The following KCNIP4 variants were observed in gnomAD, a reference collection of about 807,000 sequenced individuals.
KCNIP4 encodes potassium voltage-gated channel interacting protein 4.
In KCNIP4, 12 loss-of-function variants were observed where a neutral mutation model predicts 34.0. That is an observed-to-expected ratio of 0.35 (90% CI 0.23 to 0.57). The LOEUF is 0.57. Ranked by LOEUF, KCNIP4 falls within the 20% of genes least tolerant of loss-of-function variation. The pLI is 0.83. For synonymous variants in KCNIP4, 124 were observed against 102.2 expected (o/e 1.21, Z -1.29); for missense variants, 238 against 311.7 (o/e 0.76, Z 1.78).
rs142704334 is a variant in KCNIP4, at chr4:21,737,149, G to T, written c.61+211422C>A. Among the ~76,000 whole-genome samples, 1,414 of 152,204 alleles carry T rather than the reference G, an allele frequency of 9.3e-3. 13 individuals are homozygous for T. Among genetic ancestry groups the T allele is most frequent in the Middle Eastern group, 0.037 (11 of 294 alleles). On this transcript the variant is annotated intron_variant, in intron 1 of 8. Coordinates refer to ENST00000382152, the MANE Select transcript of KCNIP4 (RefSeq NM_025221.6). ...GACCAAGTCAGAAATAACGCCTAAG[G>T]TCTTCTCACCCTCGGGTGTAGTCAT...
At position 21,531,346 on chromosome 4, in the gene KCNIP4, CCCCT is replaced by C. The variant is rs1232382967; in HGVS notation, c.61+417221_61+417224del. On this transcript the variant is annotated intron_variant, in intron 1 of 8. Transcript: ENST00000382152. ...CTTCCTCCCTCCCTCCCTTCCCCTC[CCCCT>C]CCCTCCCTCCCTCCCTCCCTTCCTT... is the stretch of plus-strand genomic sequence containing the variant. Among the ~76,000 whole-genome samples the C allele has an allele frequency of 3.1e-3, 276 of 89,780 alleles. 3 individuals are homozygous for C. The highest frequency in any genetic ancestry group is 0.011 in the African/African-American group (239 of 21,980). The allele number at this position is 89,780 out of a possible 152,430, so 58.9% of individuals were successfully genotyped here. A position where few individuals can be genotyped will look rare whatever the true frequency, so the allele number is the denominator to read the frequency against.
chr4:20,943,225 A>G (rs544201993), intron 1 of KCNIP4, among the ~76,000 whole-genome samples: 20 of 152,236 alleles, frequency 1.3e-4, no homozygotes, highest in African/African-American at 4.8e-4. Context: ...TGATGCTATA[A>G]TGGTCTCTGT....
intron 1 of KCNIP4, among the ~76,000 whole-genome samples, chr4:21,618,390 G>A (rs999030537): frequency 2.0e-5 from 3 of 152,036 alleles, no homozygotes; most frequent in African/African-American, 4.8e-5. Flanking sequence ...AAAATATGAA[G>A]GTGGTAGCCA....
intron 1 of KCNIP4, among the ~76,000 whole-genome samples, chr4:21,198,071 G>A (rs1219428562): frequency 1.3e-5 from 2 of 152,114 alleles, no homozygotes; most frequent in African/African-American, 2.4e-5. Context: ...ATACACATAC[G>A]CTATACATAT....
rs556372814 is a variant in KCNIP4, at chr4:20,904,522, G to C, written c.62-21813C>G. ...ACTATCTCTCTTTTTAAAAAGATGG[G>C]TGCTTAAATATACAGAAAACAACTT... On this transcript the variant is annotated intron_variant, in intron 1 of 8. Transcript: ENST00000382152. Among the ~76,000 whole-genome samples the C allele has an allele frequency of 1.8e-3, 271 of 151,822 alleles. 1 individual carries two copies. Among genetic ancestry groups the C allele is most frequent in the Non-Finnish European group, 3.3e-3 (227 of 67,928 alleles).
chr4:20,949,472 T>C, intron 1 of KCNIP4, among the ~76,000 whole-genome samples: 1 of 152,110 alleles, frequency 6.6e-6, no homozygotes. Flanking sequence ...GATCTAGAAC[T>C]AGAAATACCA....
intron 1 of KCNIP4, among the ~76,000 whole-genome samples, chr4:21,112,034 T>TATCTATCC (rs1339596790): frequency 1.4e-5 from 2 of 145,922 alleles, no homozygotes; most frequent in African/African-American, 2.6e-5. Context: ...TGTATCTATC[T>TATCTATCC]ATCTATCTAT....
chr4:21,200,259 G>A (rs1364803148), intron 1 of KCNIP4, among the ~76,000 whole-genome samples: 2 of 150,520 alleles, frequency 1.3e-5, no homozygotes, highest in African/African-American at 2.5e-5. Context: ...GGAATCAACT[G>A]ATGAGTGGAT....
rs975765801 is a variant in KCNIP4 at position 20,920,668 on chromosome 4, A to G, written c.62-37959T>C. On this transcript the variant is annotated intron_variant, in intron 1 of 8. Coordinates refer to ENST00000382152, the MANE Select transcript of KCNIP4 (RefSeq NM_025221.6). ...CTGTGGACGATGGAGAGTGAGTGAG[A>G]ATGACAATGATCCACTTGCATTTTA... is the stretch of plus-strand genomic sequence containing the variant. 9.2e-5 allele frequency among the ~76,000 whole-genome samples: 14 copies of G among 152,150 alleles called. 2 individuals carry two copies. The East Asian group carries it at 1.5e-3, about 17-fold the overall frequency.
chr4:20,885,834 T>C (rs1725244696), intron 1 of KCNIP4, among the ~76,000 whole-genome samples: 1 of 152,216 alleles, frequency 6.6e-6, no homozygotes, highest in African/African-American at 2.4e-5. Flanking sequence ...TTCCCTACTG[T>C]CTCAGGGCCT....
intron 1 of KCNIP4, among the ~76,000 whole-genome samples, chr4:20,981,211 A>G (rs1008888554): frequency 1.9e-4 from 29 of 152,166 alleles, no homozygotes; most frequent in African/African-American, 7.0e-4. Flanking sequence ...TAGATGTCTG[A>G]CAGGGGCTGA....
chr4:21,852,876 A>G (rs1462125161), intron 1 of KCNIP4: 1 of 152,216 alleles, frequency 6.6e-6, no homozygotes, highest in Admixed American at 6.5e-5. Flanking sequence ...GTGAAGAACC[A>G]TGATTTCCTT....
chr4:21,754,177 A>G (rs1329372524), intron 1 of KCNIP4, among the ~76,000 whole-genome samples: 5 of 152,166 alleles, frequency 3.3e-5, no homozygotes, highest in African/African-American at 1.2e-4. Flanking sequence ...AATTCGCTCA[A>G]TAAAATTTAT....
intron 1 of KCNIP4, among the ~76,000 whole-genome samples, chr4:21,835,001 T>C (rs1723230787): frequency 6.6e-6 from 1 of 152,130 alleles, no homozygotes; most frequent in Non-Finnish European, 1.5e-5. Context: ...TTGCCAGTAT[T>C]TTATTGAGGA....
At chr4:21,224,500 G>A (rs1758214802) in intron 1 of KCNIP4, among the ~76,000 whole-genome samples, 1 of 149,554 alleles carries the variant, frequency 6.7e-6, no homozygotes, top group Admixed American at 6.7e-5. Flanking sequence ...GTTTGGGTTG[G>A]ACACAAACAT....
At chr4:21,082,054 TC>T (rs1262832148) in intron 1 of KCNIP4, among the ~76,000 whole-genome samples, 1 of 151,940 alleles carries the variant, frequency 6.6e-6, no homozygotes, top group Non-Finnish European at 1.5e-5. Context: ...AGAGGTCTAT[TC>T]TTTTTAGTGG....
intron 1 of KCNIP4, among the ~76,000 whole-genome samples, chr4:21,665,384 A>T (rs1748770074): frequency 6.6e-6 from 1 of 152,158 alleles, no homozygotes; most frequent in Non-Finnish European, 1.5e-5. Flanking sequence ...GACTAAATGC[A>T]TAGGAATGGA....
chr4:21,722,620 GAGA>G (rs1195874228), intron 1 of KCNIP4, among the ~76,000 whole-genome samples: 12 of 152,112 alleles, frequency 7.9e-5, no homozygotes, highest in Non-Finnish European at 1.6e-4. Flanking sequence ...ATTTTCAATT[GAGA>G]AGAGAGAAAT....
At chr4:21,651,540 G>A (rs927691507) in intron 1 of KCNIP4, among the ~76,000 whole-genome samples, 7 of 152,194 alleles carry the variant, frequency 4.6e-5, no homozygotes, top group African/African-American at 1.7e-4. Context: ...GTGACCTTGT[G>A]TGCAATTGGG....
Sources: gnomAD v4.1 joint callset for allele counts (sites outside exome capture counted in the v4.1 genomes callset) on GRCh38, gnomAD v4.1.1 for gene constraint, MANE v1.5 for transcripts, NCBI Gene and HGNC (gene_info 2026-07-23, HGNC 2026-07-21) for gene names.